Variants in SH3BGRL observed in about 807,000 individuals in gnomAD.
SH3BGRL encodes the protein SH3 domain binding glutamate rich protein like.
A neutral mutation model predicts 9.8 loss-of-function variants in SH3BGRL; 7 were observed. The observed-to-expected ratio is 0.72, with a 90% CI of 0.41 to 1.35. SH3BGRL has a LOEUF of 1.35. Among genes scored for constraint, SH3BGRL ranks in the 40% most tolerant of loss-of-function variants. SH3BGRL has a pLI of 0.01. For synonymous variants in SH3BGRL, 36 were observed against 29.1 expected (o/e 1.24, Z -0.76); for missense variants, 73 against 84.4 (o/e 0.86, Z 0.53).
At chrX:81,218,775 A>C (rs2075590039) in intron 1 of SH3BGRL, among the ~76,000 whole-genome samples, 1 of 96,203 alleles carries the variant, frequency 1.0e-5, no homozygotes, top group Admixed American at 1.2e-4. Context: ...ATATATATAC[A>C]CATATATATC....
chrX:81,279,336 T>C (rs948243172), intron 3 of SH3BGRL, among the ~76,000 whole-genome samples: 2 of 110,995 alleles, frequency 1.8e-5, no homozygotes, highest in Non-Finnish European at 3.8e-5. Context: ...TAAGATAGAG[T>C]ACTAGATTGC....
At chrX:81,253,559 T>C (rs2075717082) in intron 1 of SH3BGRL, among the ~76,000 whole-genome samples, 1 of 111,357 alleles carries the variant, frequency 9.0e-6, no homozygotes, top group Non-Finnish European at 1.9e-5. Flanking sequence ...CTATTTTTAA[T>C]TGAATTGTTA....
chrX:81,205,508 A>G lies in SH3BGRL; in HGVS notation c.45+3263A>G, dbSNP rs759275372. 5.0e-3 allele frequency among the ~76,000 whole-genome samples: 486 copies of G among 97,180 alleles called. 1 individual carries two copies. The highest frequency in any genetic ancestry group is 0.016 in the African/African-American group (386 of 23,881). The allele number at this position is 97,180 out of a possible 115,157, so 84.4% of individuals were successfully genotyped here. ...TATATGTGTGTGTGTGTGTGTGTAT[A>G]TATATATATATATATATATATATCA... On this transcript the variant is annotated intron_variant, in intron 1 of 3. Transcript: ENST00000373212.
At chrX:81,294,117 T>C (rs969588180) in intron 3 of SH3BGRL, among the ~76,000 whole-genome samples, 1 of 111,259 alleles carries the variant, frequency 9.0e-6, no homozygotes, top group African/African-American at 3.3e-5. Context: ...AGCCTGACAA[T>C]GTAATAGAAA....
intron 3 of SH3BGRL, among the ~76,000 whole-genome samples, chrX:81,286,924 G>C (rs1602629616): frequency 9.0e-6 from 1 of 111,080 alleles, no homozygotes; most frequent in Non-Finnish European, 1.9e-5. Context: ...AGATTAGAAA[G>C]GTAAATAATT....
intron 1 of SH3BGRL, among the ~76,000 whole-genome samples, chrX:81,270,190 G>T (rs764543114): frequency 2.7e-5 from 3 of 111,140 alleles, no homozygotes; most frequent in South Asian, 7.6e-4. Context: ...GGGGAAGTTT[G>T]TTATTACAGA....
chrX:81,277,569 C>A, intron 2 of SH3BGRL, among the ~76,000 whole-genome samples: 1 of 112,261 alleles, frequency 8.9e-6, no homozygotes, highest in South Asian at 3.7e-4. Flanking sequence ...CAAAGATTAA[C>A]TATTCTTCTG....
At chrX:81,274,732 T>A (rs1344498160) in intron 1 of SH3BGRL, among the ~76,000 whole-genome samples, 1 of 111,147 alleles carries the variant, frequency 9.0e-6, no homozygotes, top group Non-Finnish European at 1.9e-5. Context: ...AAAAAAAAAA[T>A]TAAAGGAATA....
At chrX:81,266,423 C>G (rs1189677288) in intron 1 of SH3BGRL, among the ~76,000 whole-genome samples, 2 of 111,542 alleles carry the variant, frequency 1.8e-5, no homozygotes, top group African/African-American at 6.5e-5. Context: ...ATATGGCTAG[C>G]AAAAATAGTG....
intron 1 of SH3BGRL, chrX:81,255,489 T>C (rs1278149737): frequency 8.9e-6 from 1 of 112,197 alleles, no homozygotes; most frequent in Non-Finnish European, 1.9e-5. Context: ...ATTTGCTATC[T>C]TCTGCTGTTA....
At chrX:81,202,304 C>T in intron 1 of SH3BGRL, 59 bp downstream of exon 1, 1 of 1,093,629 alleles carries the variant, frequency 9.1e-7, no homozygotes, top group Non-Finnish European at 1.2e-6. Context: ...CTCTGCTGCC[C>T]CAGAACCATT....
At chrX:81,251,108 A>T (rs2075708729) in intron 1 of SH3BGRL, among the ~76,000 whole-genome samples, 1 of 112,124 alleles carries the variant, frequency 8.9e-6, no homozygotes, top group African/African-American at 3.2e-5. Context: ...CATTATCATA[A>T]ACTAAATTGG....
intron 1 of SH3BGRL, among the ~76,000 whole-genome samples, chrX:81,207,101 C>G (rs2075550108): frequency 9.0e-6 from 1 of 111,639 alleles, no homozygotes; most frequent in African/African-American, 3.3e-5. Flanking sequence ...TCAACATTGG[C>G]CTAGGATGAG....
chrX:81,271,239 C>T (rs1402415422), intron 1 of SH3BGRL, among the ~76,000 whole-genome samples: 1 of 112,109 alleles, frequency 8.9e-6, no homozygotes, highest in Non-Finnish European at 1.9e-5. Context: ...TTTGGCTTGC[C>T]CTCTGTGGGC....
intron 1 of SH3BGRL, chrX:81,237,102 T>C: frequency 1.1e-6 from 1 of 902,252 alleles, no homozygotes; most frequent in Non-Finnish European, 1.4e-6. Flanking sequence ...ATTAAATTCT[T>C]ACTTGGATTT....
intron 1 of SH3BGRL, among the ~76,000 whole-genome samples, chrX:81,265,325 A>G (rs1206720316): frequency 2.8e-5 from 3 of 108,079 alleles, no homozygotes; most frequent in South Asian, 4.2e-4. Context: ...CCGGTCACCT[A>G]CATTAGGTAT....
intron 3 of SH3BGRL, among the ~76,000 whole-genome samples, chrX:81,285,949 T>G (rs924068335): frequency 2.7e-4 from 30 of 112,149 alleles, no homozygotes; most frequent in Middle Eastern, 9.3e-3. Flanking sequence ...CTCTTTACAT[T>G]TAAAAAATAA....
intron 3 of SH3BGRL, among the ~76,000 whole-genome samples, chrX:81,294,953 T>C (rs1430865746): frequency 2.7e-5 from 3 of 112,233 alleles, no homozygotes; most frequent in Non-Finnish European, 5.6e-5. Flanking sequence ...ACTGGGCCTG[T>C]AGCCCCTTTG....
intron 1 of SH3BGRL, among the ~76,000 whole-genome samples, chrX:81,204,362 G>A (rs2075539346): frequency 9.0e-6 from 1 of 111,529 alleles, no homozygotes; most frequent in Admixed American, 9.5e-5. Flanking sequence ...CTTCAGAAAG[G>A]CACTTTTCAG....
Sources: gnomAD v4.1 joint callset for allele counts (sites outside exome capture counted in the v4.1 genomes callset) on GRCh38, gnomAD v4.1.1 for gene constraint, MANE v1.5 for transcripts, NCBI Gene and HGNC (gene_info 2026-07-23, HGNC 2026-07-21) for gene names.